ABR: variants seen among roughly 807,000 people sequenced by gnomAD.
The protein encoded by ABR is ABR activator of RhoGEF and GTPase, also known as active breakpoint cluster region-related protein.
A neutral mutation model predicts 107.2 loss-of-function variants in ABR; 35 were observed. The ratio of observed to expected loss-of-function variants is 0.33; its 90% confidence interval spans 0.25 to 0.43. ABR has a LOEUF of 0.43. Ranked by LOEUF, ABR falls within the 20% of genes least tolerant of loss-of-function variation. The pLI is 1.00. For synonymous variants in ABR, 498 were observed against 462.0 expected (o/e 1.08, Z -1.00); for missense variants, 815 against 1,115.2 (o/e 0.73, Z 3.83).
chr17:1,137,817 C>A (rs1269884603), intron 1 of ABR, among the ~76,000 whole-genome samples: 2 of 152,088 alleles, frequency 1.3e-5, no homozygotes, highest in Non-Finnish European at 2.9e-5. Flanking sequence ...ACAGGAGTGC[C>A]GTAAAGCGAG....
chr17:1,145,755 G>A (rs926152368), intron 1 of ABR, among the ~76,000 whole-genome samples: 8 of 152,202 alleles, frequency 5.3e-5, no homozygotes, highest in Admixed American at 1.3e-4. Context: ...CAGGATGCAC[G>A]ACCCCTGCCT....
chr17:1,031,547 CGCAGCGCCCCCGAGCCCCCA>C, intron 16 of ABR: 2 of 720,400 alleles, frequency 2.8e-6, no homozygotes, highest in East Asian at 3.7e-5. Context: ...CCCCGAGCCC[CGCAGCGCCCCCGAGCCCCCA>C]CCCCCCGGAA....
At chr17:1,175,328 C>G (rs988380157) in intron 1 of ABR, among the ~76,000 whole-genome samples, 1 of 152,144 alleles carries the variant, frequency 6.6e-6, no homozygotes, top group Non-Finnish European at 1.5e-5. Context: ...AGGAGAATCG[C>G]TTGAACCGGG....
intron 1 of ABR, among the ~76,000 whole-genome samples, chr17:1,202,408 C>T (rs1344749080): frequency 6.6e-6 from 1 of 152,224 alleles, no homozygotes; most frequent in Non-Finnish European, 1.5e-5. Context: ...CCTCTTATTA[C>T]TCATCTTAGA....
At chr17:1,151,536 T>C (rs1018164294) in intron 1 of ABR, among the ~76,000 whole-genome samples, 2 of 152,154 alleles carry the variant, frequency 1.3e-5, no homozygotes, top group African/African-American at 4.8e-5. Context: ...GGTCAGCCAC[T>C]CCCCACCTCA....
intron 10 of ABR, among the ~76,000 whole-genome samples, chr17:1,064,516 T>A (rs1597632085): frequency 7.6e-6 from 1 of 131,450 alleles, no homozygotes; most frequent in Non-Finnish European, 1.7e-5. Context: ...AACTGAGGGC[T>A]ATGCATGTTC....
At chr17:1,024,603 T>C (rs561100050) in intron 16 of ABR, among the ~76,000 whole-genome samples, 19 of 151,914 alleles carry the variant, frequency 1.3e-4, no homozygotes, top group African/African-American at 4.6e-4. Flanking sequence ...CTGCGCAACA[T>C]AACGAAACCT....
chr17:1,097,042 C>T (rs575604824), intron 3 of ABR, among the ~76,000 whole-genome samples: 1 of 152,148 alleles, frequency 6.6e-6, no homozygotes. Context: ...GAAGGGGGCC[C>T]CTGCCCCACA....
In ABR at chr17:1,101,955, G is replaced by C. The variant is rs192047086; in HGVS notation, c.247-1220C>G. Among the ~76,000 whole-genome samples the C allele has an allele frequency of 1.3e-3, 197 of 152,084 alleles. 1 individual carries two copies. The highest frequency in any genetic ancestry group is 3.4e-3 in the African/African-American group (143 of 41,490). ...TCACCGTGTTAGCCAGGATGGTCTC[G>C]ATCTCCTGACCTCGTGATCCGCCCG... On this transcript the variant is annotated intron_variant, in intron 2 of 22. Coordinates refer to ENST00000302538, the MANE Select transcript of ABR (RefSeq NM_021962.5).
At chr17:1,220,391 T>C (rs2043098472) in intron 1 of ABR, among the ~76,000 whole-genome samples, 1 of 152,200 alleles carries the variant, frequency 6.6e-6, no homozygotes, top group African/African-American at 2.4e-5. Flanking sequence ...TCAGGCCGAC[T>C]GTAGCGAGCG....
intron 6 of ABR, among the ~76,000 whole-genome samples, chr17:1,076,046 AAAAT>A (rs938246419): frequency 1.4e-4 from 21 of 152,198 alleles, no homozygotes; most frequent in African/African-American, 4.6e-4. Flanking sequence ...CGTTTAAATA[AAAAT>A]AAATATAGAG....
chr17:1,055,873 G>A (rs2033211082), intron 14 of ABR, 162 bp downstream of exon 14: 3 of 631,196 alleles, frequency 4.8e-6, no homozygotes, highest in Non-Finnish European at 8.3e-6. Context: ...AGAGGACTTT[G>A]GAGACAAAGG....
rs528885473 is a variant in ABR at position 1,026,665 on chromosome 17, G to C, written c.1792-13501C>G. ...AGGACTGACGCTGCGTTTCTCCCCA[G>C]GGTGGGGCAGGCAGGTCACAGGCGC... On this transcript the variant is annotated intron_variant, in intron 16 of 22. Coordinates refer to ENST00000302538, the MANE Select transcript of ABR (RefSeq NM_021962.5). Among the ~76,000 whole-genome samples, 44 of 152,330 alleles carry C rather than the reference G, an allele frequency of 2.9e-4. 1 individual carries two copies. Among genetic ancestry groups the C allele is most frequent in the Admixed American group, 2.4e-3 (37 of 15,302 alleles).
chr17:1,096,723 G>A (rs553108874), intron 3 of ABR, among the ~76,000 whole-genome samples: 40 of 151,256 alleles, frequency 2.6e-4, no homozygotes, highest in Middle Eastern at 3.4e-3. Context: ...GGGAAGGGGG[G>A]GAACCTGCCC....
At chr17:1,102,594 C>T (rs75350688) in intron 2 of ABR, among the ~76,000 whole-genome samples, 1,906 of 152,322 alleles carry the variant, frequency 0.013, 47 homozygotes, top group East Asian at 0.11. Context: ...AAATTTGTGT[C>T]GGGCCACATT....
chr17:1,049,760 G>A (rs938677507), intron 16 of ABR, among the ~76,000 whole-genome samples: 10 of 152,316 alleles, frequency 6.6e-5, no homozygotes, highest in South Asian at 2.1e-4. Context: ...ATGGCGTTCC[G>A]GGAAACAACC....
At chr17:1,187,642 C>A (rs2042337471), upstream of ABR, among the ~76,000 whole-genome samples, 2 of 152,236 alleles carry the variant, frequency 1.3e-5, no homozygotes, top group Non-Finnish European at 2.9e-5. Context: ...GTAATCCCAG[C>A]ACTTTGGGAG....
intron 2 of ABR, among the ~76,000 whole-genome samples, chr17:1,115,871 G>A (rs2038962115): frequency 6.7e-6 from 1 of 150,120 alleles, no homozygotes; most frequent in South Asian, 2.1e-4. Flanking sequence ...AAGCTGCAGT[G>A]AGCCGAGATC....
At chr17:1,030,793 G>A (rs993992940) in intron 16 of ABR, among the ~76,000 whole-genome samples, 2 of 152,254 alleles carry the variant, frequency 1.3e-5, no homozygotes, top group Non-Finnish European at 2.9e-5. Context: ...TCTCTTGATG[G>A]ATGGGCCCAG....
Sources: allele counts gnomAD v4.1 joint callset (sites outside exome capture counted in the v4.1 genomes callset), GRCh38; gene constraint gnomAD v4.1.1; transcripts MANE v1.5; gene names NCBI Gene and HGNC (gene_info 2026-07-23, HGNC 2026-07-21).